The following REDIC1 variants were observed in gnomAD, a reference collection of about 807,000 sequenced individuals.
REDIC1 encodes HEI10 Interacting Protein 1.
the REDIC1 span, among the ~76,000 whole-genome samples, chr12:39,699,982 AT>A: frequency 0.016 from 2,468 of 152,254 alleles, 63 homozygotes; most frequent in African/African-American, 0.054. Flanking sequence ...AACCACAAAG[AT>A]GGGGAAAAAA....
the REDIC1 span, among the ~76,000 whole-genome samples, chr12:39,837,277 G>T: frequency 6.7e-6 from 1 of 149,918 alleles, no homozygotes; most frequent in African/African-American, 2.5e-5. Flanking sequence ...TGGGAAAACT[G>T]GCTAGCCATA....
chr12:39,779,211 C>G, the REDIC1 span, among the ~76,000 whole-genome samples: 3 of 152,168 alleles, frequency 2.0e-5, no homozygotes, highest in Non-Finnish European at 4.4e-5. Flanking sequence ...AGCCATTCAA[C>G]CTCACTGGAC....
the REDIC1 span, among the ~76,000 whole-genome samples, chr12:39,889,511 G>T: frequency 1.0e-4 from 15 of 149,222 alleles, no homozygotes; most frequent in African/African-American, 3.5e-4. Context: ...CCGACTTTAC[G>T]CTTCAGTGGT....
At chr12:39,757,174 C>T in the REDIC1 span, 10 of 151,628 alleles carry the variant, frequency 6.6e-5, no homozygotes, top group Non-Finnish European at 3.0e-5. Flanking sequence ...AGACATCCAG[C>T]CTCAATAGGG....
At chr12:39,730,985 T>C in the REDIC1 span, among the ~76,000 whole-genome samples, 1 of 152,206 alleles carries the variant, frequency 6.6e-6, no homozygotes. Flanking sequence ...GTTCTTGTGC[T>C]GTGTTTTTCA....
At chr12:39,665,132 C>T in the REDIC1 span, among the ~76,000 whole-genome samples, 1 of 152,128 alleles carries the variant, frequency 6.6e-6, no homozygotes, top group East Asian at 1.9e-4. Flanking sequence ...GTGTTTTAGA[C>T]ATGAAGTCCT....
chr12:39,669,952 C>T, the REDIC1 span, among the ~76,000 whole-genome samples: 1 of 152,098 alleles, frequency 6.6e-6, no homozygotes, highest in African/African-American at 2.4e-5. Flanking sequence ...CGTCTGTCAC[C>T]CCTTTCTTTG....
the REDIC1 span, among the ~76,000 whole-genome samples, chr12:39,644,288 A>G: frequency 2.6e-5 from 4 of 151,736 alleles, no homozygotes; most frequent in Admixed American, 2.6e-4. Flanking sequence ...GGTATGTCTG[A>G]AAGGAAGATC....
the REDIC1 span, among the ~76,000 whole-genome samples, chr12:39,677,304 A>G: frequency 6.6e-6 from 1 of 152,170 alleles, no homozygotes; most frequent in Non-Finnish European, 1.5e-5. Context: ...TTCTTATATC[A>G]TACAAAACAG....
At chr12:39,842,266 C>T in the REDIC1 span, among the ~76,000 whole-genome samples, 1 of 152,100 alleles carries the variant, frequency 6.6e-6, no homozygotes, top group African/African-American at 2.4e-5. Context: ...ATTGTACCAT[C>T]TGGTCTTTTC....
chr12:39,877,902 C>T, the REDIC1 span, among the ~76,000 whole-genome samples: 4 of 152,092 alleles, frequency 2.6e-5, no homozygotes, highest in South Asian at 2.1e-4. Flanking sequence ...TGGTGGGAGA[C>T]GTTTGGATCA....
At chr12:39,739,384 CA>C in the REDIC1 span, among the ~76,000 whole-genome samples, 3 of 152,102 alleles carry the variant, frequency 2.0e-5, no homozygotes, top group Non-Finnish European at 4.4e-5. Context: ...AGTCAGTAAA[CA>C]ATATTGATTG....
At chr12:39,879,972 T>C in the REDIC1 span, among the ~76,000 whole-genome samples, 2 of 152,064 alleles carry the variant, frequency 1.3e-5, no homozygotes, top group South Asian at 4.2e-4. Context: ...CCTTCATGGT[T>C]TGGTCCTGTC....
At chr12:39,717,466 A>G in the REDIC1 span, among the ~76,000 whole-genome samples, 1 of 152,050 alleles carries the variant, frequency 6.6e-6, no homozygotes. Context: ...ATCATCATAA[A>G]TCATCATAAT....
At chr12:39,674,579 AG>A in the REDIC1 span, among the ~76,000 whole-genome samples, 3 of 152,122 alleles carry the variant, frequency 2.0e-5, no homozygotes, top group Non-Finnish European at 2.9e-5. Context: ...CCAAAGTGTG[AG>A]GGGGGGATAG....
the REDIC1 span, among the ~76,000 whole-genome samples, chr12:39,842,734 A>G: frequency 1.3e-5 from 2 of 152,026 alleles, no homozygotes; most frequent in African/African-American, 2.4e-5. Flanking sequence ...CAATTCCGGA[A>G]CATTTTCATT....
chr12:39,845,028 T>A, the REDIC1 span, among the ~76,000 whole-genome samples: 1 of 151,960 alleles, frequency 6.6e-6, no homozygotes, highest in Non-Finnish European at 1.5e-5. Flanking sequence ...TAAAAATAAT[T>A]TATAAGTTAT....
chr12:39,845,717 G>T, the REDIC1 span, among the ~76,000 whole-genome samples: 1 of 152,148 alleles, frequency 6.6e-6, no homozygotes, highest in African/African-American at 2.4e-5. Flanking sequence ...CAGCAACTCT[G>T]TGTAATCATT....
chr12:39,899,693 T>C, the REDIC1 span, among the ~76,000 whole-genome samples: 1 of 152,012 alleles, frequency 6.6e-6, no homozygotes, highest in Admixed American at 6.6e-5. Flanking sequence ...TTTGTTCTCG[T>C]TGGTTTCAAA....
Sources: gnomAD v4.1 joint callset for allele counts (sites outside exome capture counted in the v4.1 genomes callset) on GRCh38, gnomAD v4.1.1 for gene constraint, MANE v1.5 for transcripts, NCBI Gene and HGNC (gene_info 2026-07-23, HGNC 2026-07-21) for gene names.